IQCM: variants seen among roughly 807,000 people sequenced by gnomAD.
IQCM encodes IQ motif containing M.
IQCM carries 45 observed loss-of-function variants against 57.6 expected under a neutral mutation model. The observed-to-expected ratio is 0.78, with a 90% CI of 0.62 to 1.00. The LOEUF is 1.00. Among genes scored for constraint, IQCM ranks in the 50% least tolerant of loss-of-function variants. The probability of loss-of-function intolerance (pLI) is 0.00; values close to 1 mark genes in which losing one functional copy is unlikely to be tolerated. For missense variants in IQCM, 468 were observed against 511.6 expected (o/e 0.91, Z 0.82); for synonymous variants, 148 against 158.9 (o/e 0.93, Z 0.51).
chr4:149,703,933 G>A (rs1010025657), intron 5 of IQCM, among the ~76,000 whole-genome samples: 2 of 151,672 alleles, frequency 1.3e-5, no homozygotes, highest in Non-Finnish European at 1.5e-5. Context: ...TCACTGCTCC[G>A]TATACTAAGA....
intron 12 of IQCM, among the ~76,000 whole-genome samples, chr4:149,455,027 C>T (rs987919054): frequency 2.0e-5 from 3 of 151,968 alleles, no homozygotes; most frequent in Non-Finnish European, 2.9e-5. Flanking sequence ...ACATAAGATT[C>T]GACTTACAAT....
chr4:149,692,416 C>A (rs1421260269), intron 5 of IQCM, among the ~76,000 whole-genome samples: 1 of 151,988 alleles, frequency 6.6e-6, no homozygotes, highest in Admixed American at 6.6e-5. Context: ...CCTTTCAATC[C>A]TATATATGTA....
intron 12 of IQCM, among the ~76,000 whole-genome samples, chr4:149,446,935 T>C (rs972829364): frequency 1.3e-5 from 2 of 151,676 alleles, no homozygotes; most frequent in African/African-American, 4.8e-5. Flanking sequence ...AAATCTAAAA[T>C]AATTCATTTA....
At chr4:149,499,453 C>G (rs1743014414) in intron 12 of IQCM, among the ~76,000 whole-genome samples, 1 of 151,916 alleles carries the variant, frequency 6.6e-6, no homozygotes, top group African/African-American at 2.4e-5. Flanking sequence ...CATAGTAACT[C>G]TAATTTGGAA....
At chr4:149,678,510 C>A (rs1263431961) in intron 7 of IQCM, among the ~76,000 whole-genome samples, 2 of 151,648 alleles carry the variant, frequency 1.3e-5, no homozygotes, top group Admixed American at 1.3e-4. Context: ...ACCACAATAC[C>A]CATCTTACAA....
intron 12 of IQCM, among the ~76,000 whole-genome samples, chr4:149,519,991 C>T (rs562603086): frequency 6.6e-6 from 1 of 152,076 alleles, no homozygotes; most frequent in Non-Finnish European, 1.5e-5. Flanking sequence ...GGAGACACAG[C>T]GAGACTCTGT....
chr4:149,717,131 G>C (rs772820333), intron 5 of IQCM, among the ~76,000 whole-genome samples: 4 of 152,186 alleles, frequency 2.6e-5, no homozygotes, highest in Non-Finnish European at 5.9e-5. Flanking sequence ...TGCATTCTGT[G>C]AGCTGAGAAA....
chr4:149,797,488 AG>A (rs536297576), intron 2 of IQCM, among the ~76,000 whole-genome samples: 295 of 152,238 alleles, frequency 1.9e-3, no homozygotes, highest in Non-Finnish European at 3.5e-3. Flanking sequence ...AGAAAGAGAT[AG>A]GGGTGGAAAG....
chr4:149,511,271 G>A (rs981169297), intron 12 of IQCM, among the ~76,000 whole-genome samples: 7 of 151,906 alleles, frequency 4.6e-5, no homozygotes, highest in Non-Finnish European at 1.0e-4. Flanking sequence ...GTAATCCCAG[G>A]ACTTTGGGAG....
intron 8 of IQCM, among the ~76,000 whole-genome samples, chr4:149,588,494 T>C (rs1346894260): frequency 2.0e-5 from 3 of 152,000 alleles, no homozygotes; most frequent in Middle Eastern, 3.4e-3. Flanking sequence ...CCTAAATCCA[T>C]ATGTCAAAGC....
chr4:149,354,880 G>A (rs11731993), intron 13 of IQCM, among the ~76,000 whole-genome samples: 66,727 of 151,980 alleles, frequency 0.44, 14,765 homozygotes, highest in Admixed American at 0.48. Flanking sequence ...CTAATGCAAC[G>A]TGTTAATAAT....
chr4:149,588,497 G>C (rs1043018546), intron 8 of IQCM, among the ~76,000 whole-genome samples: 2 of 151,852 alleles, frequency 1.3e-5, no homozygotes, highest in African/African-American at 4.8e-5. Flanking sequence ...AAATCCATAT[G>C]TCAAAGCCCT....
At chr4:149,718,323 A>AT (rs1765168293) in intron 5 of IQCM, among the ~76,000 whole-genome samples, 1 of 152,130 alleles carries the variant, frequency 6.6e-6, no homozygotes, top group Non-Finnish European at 1.5e-5. Context: ...TGAAATATGT[A>AT]TTTTTTTAAG....
intron 12 of IQCM, among the ~76,000 whole-genome samples, chr4:149,515,706 T>C (rs1173166949): frequency 6.6e-6 from 1 of 152,202 alleles, no homozygotes; most frequent in East Asian, 1.9e-4. Flanking sequence ...TTGTGCACTT[T>C]GCATGGAAGG....
Position 149,438,302 on chromosome 4 carries a change from G to T in IQCM, c.1229-4745C>A, listed in dbSNP as rs1394883871. Among the ~76,000 whole-genome samples the T allele has an allele frequency of 8.6e-5, 13 of 152,018 alleles. No homozygotes were observed. In the East Asian group the frequency reaches 2.1e-3, roughly 25 times the overall value. Reference sequence around the variant, plus strand: ...TGTTTTCTTTCATTGTGAATGTTATGCATTCACAATGAATTAGCAATTTAA... The same window carrying T: ...TGTTTTCTTTCATTGTGAATGTTATTCATTCACAATGAATTAGCAATTTAA... On this transcript the variant is annotated intron_variant, in intron 12 of 13. Transcript: ENST00000636793.
intron 9 of IQCM, among the ~76,000 whole-genome samples, chr4:149,570,877 C>T (rs1751091123): frequency 6.6e-6 from 1 of 151,824 alleles, no homozygotes; most frequent in African/African-American, 2.4e-5. Context: ...ATACAAATTG[C>T]CAAAACATAT....
chr4:149,523,629 A>G (rs1745877074), intron 12 of IQCM, among the ~76,000 whole-genome samples: 1 of 152,178 alleles, frequency 6.6e-6, no homozygotes, highest in Non-Finnish European at 1.5e-5. Flanking sequence ...AAAGGTGAGC[A>G]ATAATCATTC....
At chr4:149,760,292 A>G (rs1479638972) in intron 2 of IQCM, among the ~76,000 whole-genome samples, 1 of 152,216 alleles carries the variant, frequency 6.6e-6, no homozygotes, top group Admixed American at 6.6e-5. Context: ...GAAGAGTGGC[A>G]TAAGTTAACC....
chr4:149,468,345 G>A (rs1739099916), intron 12 of IQCM, among the ~76,000 whole-genome samples: 2 of 152,218 alleles, frequency 1.3e-5, no homozygotes, highest in African/African-American at 2.4e-5. Flanking sequence ...GCATAGCTCA[G>A]AGGGTCCCAC....
Sources: gnomAD v4.1 joint callset for allele counts (sites outside exome capture counted in the v4.1 genomes callset) on GRCh38, gnomAD v4.1.1 for gene constraint, MANE v1.5 for transcripts, NCBI Gene and HGNC (gene_info 2026-07-23, HGNC 2026-07-21) for gene names.